The following GLG1 variants were observed in gnomAD, a reference collection of about 807,000 sequenced individuals.
The protein encoded by GLG1 is golgi glycoprotein 1.
Under a neutral mutation model 160.5 loss-of-function variants are expected in GLG1, and 38 were observed. The observed-to-expected ratio is 0.24, with a 90% CI of 0.18 to 0.31. GLG1 has a LOEUF of 0.31. Among genes scored for constraint, GLG1 ranks in the 10% least tolerant of loss-of-function variants. The pLI, the probability that GLG1 is intolerant of heterozygous loss-of-function variation, is 1.00. For synonymous variants in GLG1, 644 were observed against 543.4 expected, an observed-to-expected ratio of 1.19 and a Z score of -2.57; for missense variants, 1,373 against 1,505.2, an observed-to-expected ratio of 0.91 and a Z score of 1.45.
intron 13 of GLG1, chr16:74,472,822 C>T: frequency 3.0e-6 from 1 of 333,130 alleles, no homozygotes; most frequent in South Asian, 2.4e-5. Context: ...AAAGCAGATG[C>T]CAAACCACTG....
intron 1 of GLG1, among the ~76,000 whole-genome samples, chr16:74,592,061 T>A (rs915078240): frequency 2.6e-5 from 4 of 152,230 alleles, no homozygotes; most frequent in African/African-American, 9.6e-5. Context: ...GTCTCAAACC[T>A]CTGGCTTATG....
intron 1 of GLG1, among the ~76,000 whole-genome samples, chr16:74,557,005 T>C (rs2143720946): frequency 6.6e-6 from 1 of 152,190 alleles, no homozygotes; most frequent in African/African-American, 2.4e-5. Context: ...ACTTTATAAT[T>C]TGGCAGGAGG....
chr16:74,506,581 C>CAAAAAAAA (rs56175030), intron 3 of GLG1, among the ~76,000 whole-genome samples: 10,237 of 38,846 alleles, frequency 0.26, 3,861 homozygotes, highest in Non-Finnish European at 0.32. Flanking sequence ...GACTCCGTCT[C>CAAAAAAAA]AAAAAAAAAA....
At position 74,468,226 on chromosome 16, in the gene GLG1, C is replaced by CTTTTTTTTTTTTT. The variant is rs201829157; in HGVS notation, c.2437-391_2437-379dup. 25 of 83,318 alleles carry CTTTTTTTTTTTTT rather than the reference C, an allele frequency of 3.0e-4. 4 individuals are homozygous for CTTTTTTTTTTTTT. Among genetic ancestry groups the CTTTTTTTTTTTTT allele is most frequent in the African/African-American group, 1.1e-3 (22 of 19,202 alleles). The allele number at this position is 83,318 out of a possible 1,614,324, so 5.2% of individuals were successfully genotyped here. On this transcript the variant is annotated intron_variant, in intron 17 of 25. Transcript: ENST00000422840. ...AACCAAATCTTCCAGCTTGAAATGT[C>CTTTTTTTTTTTTT]TTTTTTTTTTTTTTTTTTTTTTTTT...
Position 74,452,197 on chromosome 16 carries a change from C to A in GLG1, c.*970G>T. On this transcript the variant is annotated 3_prime_UTR_variant, in exon 26 of 26. Coordinates refer to ENST00000422840, the MANE Select transcript of GLG1 (RefSeq NM_001145667.2). ...CTTCCTGACCCACTGCTCCCCACAC[C>A]CATCTTCAAGGACCCCTCCCGCCAC... is the stretch of plus-strand genomic sequence containing the variant. 1.3e-6 allele frequency: 2 copies of A among 1,562,416 alleles called. No individual in the cohort carries two copies. Among genetic ancestry groups the A allele is most frequent in the East Asian group, 2.4e-5 (1 of 42,134 alleles).
intron 1 of GLG1, among the ~76,000 whole-genome samples, chr16:74,533,236 G>C (rs1474674766): frequency 6.6e-6 from 1 of 152,112 alleles, no homozygotes; most frequent in Non-Finnish European, 1.5e-5. Flanking sequence ...CAGGAGAATC[G>C]CATGAACCCG....
chr16:74,477,790 A>G (rs1173216204), intron 11 of GLG1, among the ~76,000 whole-genome samples: 3 of 151,960 alleles, frequency 2.0e-5, no homozygotes, highest in Non-Finnish European at 4.4e-5. Flanking sequence ...CCTGACCTAC[A>G]TGGAGAAACC....
At chr16:74,515,123 C>T (rs2016938697) in intron 2 of GLG1, among the ~76,000 whole-genome samples, 1 of 152,138 alleles carries the variant, frequency 6.6e-6, no homozygotes, top group African/African-American at 2.4e-5. Context: ...GCACCCAATA[C>T]AGGAGCACCC....
chr16:74,547,482 A>G (rs1028420291), intron 1 of GLG1, among the ~76,000 whole-genome samples: 3 of 152,194 alleles, frequency 2.0e-5, no homozygotes, highest in East Asian at 1.9e-4. Flanking sequence ...GACAAAGTAT[A>G]TATTTTTTCA....
chr16:74,459,676 G>A lies in GLG1; in HGVS notation c.3144+6C>T, dbSNP rs1399557411. 1.5e-6 allele frequency: 2 copies of A among 1,373,894 alleles called. No individual in the cohort carries two copies. Among genetic ancestry groups the A allele is most frequent in the African/African-American group, 2.9e-5 (2 of 69,292 alleles). 85.1% of individuals were successfully genotyped at this position (1,373,894 alleles called of 1,614,324 possible). The stretch of plus-strand genomic sequence containing the variant: ...GAAGTGAGGAAAAGAAGGTGACGGT[G>A]GTTACCTTTTTACACAATTCTGTTT... On this transcript the variant is annotated splice_donor_region_variant and intron_variant, in intron 23 of 25. Transcript: ENST00000422840.
chr16:74,530,663 G>A (rs552545108), intron 2 of GLG1, among the ~76,000 whole-genome samples: 16 of 151,512 alleles, frequency 1.1e-4, no homozygotes, highest in Non-Finnish European at 2.2e-4. Context: ...AAGAGATGGG[G>A]GGCTCACTTT....
rs546533936 is a variant in GLG1, at chr16:74,452,119, C to T, written c.*1048G>A. 117 of 1,614,074 alleles carry T rather than the reference C, an allele frequency of 7.2e-5. No homozygotes were observed. The highest frequency in any genetic ancestry group is 8.8e-5 in the South Asian group (8 of 91,080). ...AACCTTTATAAGCCATTGTCTCTGA[C>T]CTGTATTGTAGCCTGAAAAATAAAG... On this transcript the variant is annotated 3_prime_UTR_variant, in exon 26 of 26. Coordinates refer to ENST00000422840, the MANE Select transcript of GLG1 (RefSeq NM_001145667.2).
At chr16:74,455,741 T>A (rs1037506740) in intron 25 of GLG1, among the ~76,000 whole-genome samples, 1 of 151,962 alleles carries the variant, frequency 6.6e-6, no homozygotes, top group East Asian at 1.9e-4. Context: ...CCAATATGAG[T>A]CAATACAAAA....
At chr16:74,593,505 G>A (rs1052186236) in intron 1 of GLG1, among the ~76,000 whole-genome samples, 3 of 138,966 alleles carry the variant, frequency 2.2e-5, no homozygotes, top group Non-Finnish European at 3.0e-5. Flanking sequence ...CGCGATCTCC[G>A]CTCACTGCAA....
Position 74,449,648 on chromosome 16 carries a change from G to C in GLG1, c.*3519C>G, listed in dbSNP as rs1035048219. 6.6e-6 allele frequency: 1 copy of C among 152,234 alleles called. No homozygotes were observed. The highest frequency in any genetic ancestry group is 1.5e-5 in the Non-Finnish European group (1 of 68,062). The allele number at this position is 152,234 out of a possible 1,614,324, so 9.4% of individuals were successfully genotyped here. A position where few individuals can be genotyped will look rare whatever the true frequency, so the allele number is the denominator to read the frequency against. On this transcript the variant is annotated 3_prime_UTR_variant, in exon 26 of 26. Transcript: ENST00000422840. ...TTCCCAAGAAGAGTAAGGACAGCAT[G>C]AGACAGCCAAAGGCCTGCAGTGTGT... is the stretch of plus-strand genomic sequence containing the variant.
At chr16:74,484,461 C>G (rs1469446421) in intron 9 of GLG1, among the ~76,000 whole-genome samples, 1 of 151,894 alleles carries the variant, frequency 6.6e-6, no homozygotes, top group Non-Finnish European at 1.5e-5. Flanking sequence ...CCACCAACAC[C>G]CCACTAATTT....
chr16:74,600,624 C>T (rs557598356), intron 1 of GLG1, among the ~76,000 whole-genome samples: 81 of 150,522 alleles, frequency 5.4e-4, no homozygotes, highest in African/African-American at 1.9e-3. Flanking sequence ...CCCAGCTACT[C>T]GGGAGGCTGA....
intron 1 of GLG1, among the ~76,000 whole-genome samples, chr16:74,579,973 G>GC (rs1308634358): frequency 1.3e-5 from 2 of 152,072 alleles, no homozygotes; most frequent in East Asian, 3.9e-4. Context: ...TGAGGCAGGA[G>GC]AATCGCTTGA....
At chr16:74,507,836 C>T (rs11649079) in intron 3 of GLG1, among the ~76,000 whole-genome samples, 150,816 of 152,346 alleles carry the variant, frequency 0.99, 74,685 homozygotes, top group East Asian at 1. Flanking sequence ...GTATTTAGTT[C>T]AGTTATTAAG....
Sources: gnomAD v4.1 joint callset for allele counts (sites outside exome capture counted in the v4.1 genomes callset) on GRCh38, gnomAD v4.1.1 for gene constraint, MANE v1.5 for transcripts, NCBI Gene and HGNC (gene_info 2026-07-23, HGNC 2026-07-21) for gene names.